NBEAL1: variants seen among roughly 807,000 people sequenced by gnomAD.
The protein encoded by NBEAL1 is neurobeachin like 1.
NBEAL1 carries 273 observed loss-of-function variants against 351.3 expected under a neutral mutation model. The observed-to-expected ratio is 0.78, with a 90% CI of 0.70 to 0.86. The LOEUF is 0.86. Among genes scored for constraint, NBEAL1 ranks in the 40% least tolerant of loss-of-function variants. NBEAL1 has a pLI of 0.00. For missense variants in NBEAL1, 2,961 were observed against 3,201.3 expected, an observed-to-expected ratio of 0.92 and a Z score of 1.81; for synonymous variants, 1,050 against 1,086.4, an observed-to-expected ratio of 0.97 and a Z score of 0.66.
intron 14 of NBEAL1, among the ~76,000 whole-genome samples, 193 bp downstream of exon 14, chr2:203,108,381 A>G (rs923494492): frequency 7.4e-6 from 1 of 135,210 alleles, no homozygotes; most frequent in Non-Finnish European, 1.6e-5. Flanking sequence ...GTTTATCTCA[A>G]ATATTGCTGG....
intron 7 of NBEAL1, among the ~76,000 whole-genome samples, chr2:203,069,382 C>T (rs577542687): frequency 1.2e-4 from 18 of 152,210 alleles, no homozygotes; most frequent in African/African-American, 4.1e-4. Context: ...TCTCTGGAAA[C>T]TGGCCTCACT....
chr2:203,042,587 T>G (rs1358573775), intron 3 of NBEAL1, among the ~76,000 whole-genome samples: 1 of 147,652 alleles, frequency 6.8e-6, no homozygotes, highest in Non-Finnish European at 1.5e-5. Flanking sequence ...TGCTTGTTCT[T>G]TTTTTTTTTT....
chr2:203,177,178 AGAAAT>A lies in NBEAL1; in HGVS notation c.6464+1901_6464+1905del, dbSNP rs1451177194. Among the ~76,000 whole-genome samples the A allele has an allele frequency of 2.7e-3, 413 of 151,722 alleles. 3 individuals are homozygous for A. The highest frequency in any genetic ancestry group is 9.6e-3 in the African/African-American group (398 of 41,380). ...AAAAAAAAAAAAAAAGGAAAAGAAAAGAAATGAAATGAAAACTATACCTGATAAGG... is the reference window on the plus strand; with the variant it reads ...AAAAAAAAAAAAAAAGGAAAAGAAAAGAAATGAAAACTATACCTGATAAGG... On this transcript the variant is annotated intron_variant, in intron 42 of 55. Transcript: ENST00000683969.
At chr2:203,198,704 A>G (rs573975894) in intron 48 of NBEAL1, among the ~76,000 whole-genome samples, 4 of 152,140 alleles carry the variant, frequency 2.6e-5, no homozygotes, top group Admixed American at 2.6e-4. Context: ...TCCACTAAAA[A>G]TACAAAAAAT....
chr2:203,101,041 G>A (rs191796010), intron 12 of NBEAL1, among the ~76,000 whole-genome samples: 1 of 152,206 alleles, frequency 6.6e-6, no homozygotes, highest in East Asian at 1.9e-4. Flanking sequence ...CCTTTGTTGT[G>A]CAGAAGCTCT....
chr2:203,071,155 A>G (rs1401763874), intron 7 of NBEAL1, among the ~76,000 whole-genome samples: 1 of 152,102 alleles, frequency 6.6e-6, no homozygotes, highest in African/African-American at 2.4e-5. Context: ...TATGTCTTGT[A>G]TGGTTTTTGT....
rs1017967385 is a variant in NBEAL1 at position 203,127,821 on chromosome 2, C to T, written c.3289C>T (p.Arg1097Ter). 1.8e-5 allele frequency: 28 copies of T among 1,525,148 alleles called. No individual in the cohort carries two copies. The highest frequency in any genetic ancestry group is 2.3e-5 in the Non-Finnish European group (26 of 1,122,252). 94.5% of individuals were successfully genotyped at this position (1,525,148 alleles called of 1,614,324 possible). A position where few individuals can be genotyped will look rare whatever the true frequency, so the allele number is the denominator to read the frequency against. The change falls in exon 24 of 56, where the codon CGA (arginine) becomes TGA (stop). Residue 1097 changes from arginine to a stop codon, truncating the protein, a stop_gained. Transcript: ENST00000683969. LOFTEE classifies it high-confidence loss of function. Reference protein sequence around the residue: ...KYNELSLDDIRTIRTSLYGLI... With the variant: ...KYNELSLDDI ...TAATGAACTATCTCTAGATGATATT[C>T]GAACAATAAGGACTTCTTTGTATGG...
chr2:203,032,859 T>C (rs946586402), intron 2 of NBEAL1, among the ~76,000 whole-genome samples: 12 of 149,580 alleles, frequency 8.0e-5, no homozygotes, highest in Non-Finnish European at 1.2e-4. Flanking sequence ...GAGACAGGTT[T>C]TCATTATGTT....
At chr2:203,214,585 G>T (rs1263513877) in intron 55 of NBEAL1, among the ~76,000 whole-genome samples, 1 of 152,128 alleles carries the variant, frequency 6.6e-6, no homozygotes, top group Non-Finnish European at 1.5e-5. Context: ...GACCAGCCTG[G>T]CCAACGTGGT....
In NBEAL1 at chr2:203,138,328, CT is replaced by C; in HGVS notation, c.4719+14del. 6.3e-7 allele frequency: 1 copy of C among 1,593,168 alleles called. No individual in the cohort carries two copies. The highest frequency in any genetic ancestry group is 1.7e-4 in the Middle Eastern group (1 of 5,930). On this transcript the variant is annotated intron_variant, in intron 30 of 55. Transcript: ENST00000683969. The stretch of plus-strand genomic sequence containing the variant: ...GTGGACCGAGAAGGTGCAGTAATAT[CT>C]CTTTAAAATTATATTTTGGGTAGTT...
rs1490390952 is a variant in NBEAL1, at chr2:203,105,405, G to A, written c.1270-2015G>A. 3.9e-5 allele frequency among the ~76,000 whole-genome samples: 6 copies of A among 152,020 alleles called. No individual in the cohort carries two copies. The East Asian group carries it at 1.2e-3, about 30-fold the overall frequency. On this transcript the variant is annotated intron_variant, in intron 12 of 55. Transcript: ENST00000683969. ...GGTGTGAAACCTGGAGGTGGAGCTT[G>A]CAGGAGCTGAGATCGCGCCACTGCA...
chr2:203,148,918 A>C, intron 33 of NBEAL1, 73 bp from the exon 34 acceptor site: 1 of 1,319,294 alleles, frequency 7.6e-7, no homozygotes, highest in Non-Finnish European at 1.0e-6. Context: ...AAAATTTTAA[A>C]TTATGGAATT....
In NBEAL1 at chr2:203,062,243, C is replaced by A. The variant is rs769006826; in HGVS notation, c.515+4790C>A. The A allele has an allele frequency of 2.2e-6, 1 of 457,956 alleles. No homozygotes were observed. Among genetic ancestry groups the A allele is most frequent in the South Asian group, 1.5e-5 (1 of 64,618 alleles). The allele number at this position is 457,956 out of a possible 1,614,324, so 28.4% of individuals were successfully genotyped here. ...TTTCTCCCATATTTTCTGACTTGAT[C>A]GTCAACATTCTGGTCTTCCCATTTG... On this transcript the variant is annotated intron_variant, in intron 6 of 55. Coordinates refer to ENST00000683969, the MANE Select transcript of NBEAL1 (RefSeq NM_001378026.1). This position sits in a 1 kb window ranked among gnomAD's most constrained non-coding sequence, Gnocchi z 4.2.
chr2:203,152,124 A>G (rs915281082), intron 35 of NBEAL1, among the ~76,000 whole-genome samples: 7 of 151,384 alleles, frequency 4.6e-5, no homozygotes, highest in Non-Finnish European at 1.5e-5. Context: ...CACCTGGCTA[A>G]TTTTTGTATT....
chr2:203,122,424 C>A, intron 19 of NBEAL1, 81 bp downstream of exon 19: 1 of 814,096 alleles, frequency 1.2e-6, no homozygotes, highest in Non-Finnish European at 2.0e-6. Flanking sequence ...TAAAGCACTG[C>A]CAGATTGATC....
intron 55 of NBEAL1, among the ~76,000 whole-genome samples, chr2:203,216,606 T>A (rs999226647): frequency 3.9e-5 from 6 of 152,102 alleles, no homozygotes; most frequent in Non-Finnish European, 5.9e-5. Context: ...TTAAAAATTT[T>A]AAAAAAGAAT....
At chr2:203,163,841 C>T (rs6725270) in intron 36 of NBEAL1, among the ~76,000 whole-genome samples, 88,830 of 151,892 alleles carry the variant, frequency 0.58, 27,317 homozygotes, top group Middle Eastern at 0.79. Flanking sequence ...TGATCATTCT[C>T]GATGTGGTTT....
chr2:203,020,399 G>C (rs1192683092), intron 2 of NBEAL1, among the ~76,000 whole-genome samples: 1 of 152,142 alleles, frequency 6.6e-6, no homozygotes, highest in Non-Finnish European at 1.5e-5. Flanking sequence ...CTGAACCTAG[G>C]CGCAGTGGCT....
chr2:203,103,182 TTAGA>T (rs1467269343), intron 12 of NBEAL1, among the ~76,000 whole-genome samples: 2 of 152,138 alleles, frequency 1.3e-5, no homozygotes, highest in East Asian at 3.8e-4. Context: ...TTGTGTTTAT[TTAGA>T]TATTCTCTCT....
Sources: allele counts gnomAD v4.1 joint callset (sites outside exome capture counted in the v4.1 genomes callset), GRCh38; gene constraint gnomAD v4.1.1; non-coding constraint Gnocchi (gnomAD v3.1); transcripts MANE v1.5; gene names NCBI Gene and HGNC (gene_info 2026-07-23, HGNC 2026-07-21).